The following DROSHA variants were observed in gnomAD, a reference collection of about 807,000 sequenced individuals.
DROSHA encodes the protein drosha ribonuclease III.
In DROSHA, 56 loss-of-function variants were observed where a neutral mutation model predicts 181.9. That is an observed-to-expected ratio of 0.31 (90% CI 0.25 to 0.38). DROSHA has a LOEUF of 0.38. Among genes scored for constraint, DROSHA ranks in the 10% least tolerant of loss-of-function variants. The pLI is 1.00. For synonymous variants in DROSHA, 524 were observed against 591.2 expected (o/e 0.89, Z 1.65); for missense variants, 1,218 against 1,743.5 (o/e 0.70, Z 5.37).
rs1160335586 is a variant in DROSHA, at chr5:31,437,270, G to T, written c.2911C>A (p.Leu971Met). ...AGAAATTCAACAACAGCATCACCCA[G>T]GAATTCCAACCGTTCATTGTGGTTA... ...RINHNERLEF[L>M]GDAVVEFLTS... Residue 971 changes from leucine to methionine, a missense_variant, in exon 24 of 36, where the codon CTG becomes ATG. Around this residue, in one of 8 missense-constraint regions of DROSHA, gnomAD observed 460 missense variants for 774.2 expected, o/e 0.59. Coordinates refer to ENST00000344624, the MANE Select transcript of DROSHA (RefSeq NM_001382508.1). The T allele has an allele frequency of 3.2e-6, 5 of 1,581,574 alleles. No individual in the cohort carries two copies. Among genetic ancestry groups the T allele is most frequent in the Non-Finnish European group, 3.4e-6 (4 of 1,162,714 alleles).
chr5:31,431,884 T>G (rs1222233679), intron 25 of DROSHA, among the ~76,000 whole-genome samples: 1 of 152,186 alleles, frequency 6.6e-6, no homozygotes, highest in Non-Finnish European at 1.5e-5. Context: ...AACTCAATTC[T>G]TTCCCAAACA....
Position 31,504,593 on chromosome 5 carries a change from G to A in DROSHA, c.1630C>T (p.Arg544Cys), listed in dbSNP as rs763318231. 24 of 1,613,778 alleles carry A rather than the reference G, an allele frequency of 1.5e-5. No individual in the cohort carries two copies. Among genetic ancestry groups the A allele is most frequent in the African/African-American group, 1.3e-5 (1 of 74,894 alleles). Residue 544 changes from arginine to cysteine, a missense_variant, in exon 11 of 36, where the codon CGC becomes TGC. By Grantham distance (180) the Arg-to-Cys change is radical. This residue lies in a region of DROSHA where 460 missense variants were observed against 774.2 expected (regional missense o/e 0.59). Coordinates refer to ENST00000344624, the MANE Select transcript of DROSHA (RefSeq NM_001382508.1). ...TAAATGCTGTGCCTAATTCCTGTGC[G>A]TCTTGCCTTTGCGCTGCATTTGCAG... ...PLCKCSAKAR[R>C]TGIRHSIYPG...
rs1739171420 is a variant in DROSHA, at chr5:31,515,457, T to C, written c.1055A>G (p.Asn352Ser). 7.6e-7 allele frequency: 1 copy of C among 1,314,242 alleles called. No individual in the cohort carries two copies. Among genetic ancestry groups the C allele is most frequent in the Non-Finnish European group, 1.1e-6 (1 of 929,946 alleles). The allele number at this position is 1,314,242 out of a possible 1,614,324, so 81.4% of individuals were successfully genotyped here. A position where few individuals can be genotyped will look rare whatever the true frequency, so the allele number is the denominator to read the frequency against. ...DSWAPPLEIV[N>S]HRSPSREKKR... ...GCCCCACCCCAGATCTACTTACTGA[T>C]TCACAATCTCCAGGGGTGGGGCCCA... The change falls in exon 7 of 36, where the codon AAT (asparagine) becomes AGT (serine). Residue 352 changes from asparagine to serine, a missense_variant. Asn to Ser is a conservative substitution (Grantham distance 46). Around this residue, in one of 8 missense-constraint regions of DROSHA, gnomAD observed 536 missense variants for 535.4 expected, o/e 1.00. Transcript: ENST00000344624.
chr5:31,426,116 T>C (rs1267368603), intron 27 of DROSHA, among the ~76,000 whole-genome samples: 1 of 152,126 alleles, frequency 6.6e-6, no homozygotes, highest in Admixed American at 6.6e-5. Flanking sequence ...CCTCCTTTCA[T>C]GTCTGCTGCC....
At chr5:31,430,384 GACTT>G (rs1331338133) in intron 26 of DROSHA, among the ~76,000 whole-genome samples, 24 of 152,172 alleles carry the variant, frequency 1.6e-4, no homozygotes, top group Non-Finnish European at 1.5e-5. Context: ...TGTTAGAAAA[GACTT>G]ACAGGATTTA....
chr5:31,450,251 C>G (rs1335595021), intron 21 of DROSHA, among the ~76,000 whole-genome samples: 1 of 152,148 alleles, frequency 6.6e-6, no homozygotes, highest in Non-Finnish European at 1.5e-5. Flanking sequence ...TTAGTATAAC[C>G]TCTAGGAAAA....
At position 31,504,618 on chromosome 5, in the gene DROSHA, G is replaced by C; in HGVS notation, c.1605C>G (p.Leu535=). Residue 535 remains leucine, a synonymous_variant, in exon 11 of 36, where the codon CTC becomes CTG. Transcript: ENST00000344624. The part of the protein sequence containing the change: ...NDPGQMNDGP[L]CKCSAKARRT... ...GTCTTGCCTTTGCGCTGCATTTGCA[G>C]AGTGGTCCATCATTCATCTGTCAGA... 1 of 1,613,968 alleles carries C rather than the reference G, an allele frequency of 6.2e-7. No individual in the cohort carries two copies. Among genetic ancestry groups the C allele is most frequent in the Non-Finnish European group, 8.5e-7 (1 of 1,179,892 alleles).
rs540277396 is a variant in DROSHA, at chr5:31,465,319, C to T, written c.2466+863G>A. 2.0e-5 allele frequency among the ~76,000 whole-genome samples: 3 copies of T among 152,254 alleles called. No individual in the cohort carries two copies. In the South Asian group the frequency reaches 6.2e-4, roughly 32 times the overall value. On this transcript the variant is annotated intron_variant, in intron 19 of 35. Coordinates refer to ENST00000344624, the MANE Select transcript of DROSHA (RefSeq NM_001382508.1). ...GTTATCCTGGATTACAGGGATAATA[C>T]TACCCATTAGTAAGGAAATATGGAA...
At position 31,483,480 on chromosome 5, in the gene DROSHA, G is replaced by C. The variant is rs1221401159; in HGVS notation, c.2071+74C>G. 6 of 1,463,514 alleles carry C rather than the reference G, an allele frequency of 4.1e-6. No homozygotes were observed. The East Asian group carries it at 1.4e-4, about 33-fold the overall frequency. The allele number at this position is 1,463,514 out of a possible 1,614,324, so 90.7% of individuals were successfully genotyped here. A position where few individuals can be genotyped will look rare whatever the true frequency, so the allele number is the denominator to read the frequency against. On this transcript the variant is annotated intron_variant, in intron 16 of 35. Transcript: ENST00000344624. The stretch of plus-strand genomic sequence containing the variant: ...CGAAGGTGGGAAAGTTGTCCCTGAA[G>C]ACTGAAAGGAAAATGGCAAGCTTAT...
intron 21 of DROSHA, among the ~76,000 whole-genome samples, chr5:31,450,045 G>A (rs1429280367): frequency 6.6e-6 from 1 of 152,024 alleles, no homozygotes; most frequent in Non-Finnish European, 1.5e-5. Context: ...TATACAAATG[G>A]CCAACAAACA....
intron 16 of DROSHA, among the ~76,000 whole-genome samples, chr5:31,483,060 A>ATT (rs1360431542): frequency 6.6e-6 from 1 of 152,112 alleles, no homozygotes; most frequent in African/African-American, 2.4e-5. Flanking sequence ...ACTGTCATAT[A>ATT]TTTCCCTATA....
At chr5:31,522,505 C>T (rs1002143807) in intron 5 of DROSHA, among the ~76,000 whole-genome samples, 2 of 152,054 alleles carry the variant, frequency 1.3e-5, no homozygotes, top group African/African-American at 4.8e-5. Context: ...AATAACACTT[C>T]TAATGATGAC....
At chr5:31,421,116 C>T (rs1244554009) in intron 30 of DROSHA, among the ~76,000 whole-genome samples, 156 bp downstream of exon 30, 1 of 152,198 alleles carries the variant, frequency 6.6e-6, no homozygotes, top group Non-Finnish European at 1.5e-5. Context: ...TGCATATGTG[C>T]TTTGTATACA....
At chr5:31,410,608 G>T in intron 31 of DROSHA, 138 bp downstream of exon 31, 1 of 1,296,276 alleles carries the variant, frequency 7.7e-7, no homozygotes, top group Non-Finnish European at 1.0e-6. Context: ...AAAAGCTTTG[G>T]TAAAAAGCAT....
At chr5:31,433,670 G>A (rs554547361) in intron 25 of DROSHA, among the ~76,000 whole-genome samples, 6 of 152,124 alleles carry the variant, frequency 3.9e-5, no homozygotes, top group South Asian at 2.1e-4. Context: ...TCAGCCTCCC[G>A]AGTAGCCGGG....
intron 25 of DROSHA, among the ~76,000 whole-genome samples, chr5:31,435,164 A>C (rs766189710): frequency 6.6e-6 from 1 of 152,228 alleles, no homozygotes; most frequent in Non-Finnish European, 1.5e-5. Context: ...ATTTATTATA[A>C]TAAGACATAA....
At chr5:31,486,439 G>C in intron 14 of DROSHA, 52 bp downstream of exon 14, 1 of 1,582,722 alleles carries the variant, frequency 6.3e-7, no homozygotes, top group Non-Finnish European at 8.6e-7. Flanking sequence ...TAGTAGTATG[G>C]AACAAGCAAA....
At chr5:31,516,026 C>T (rs911969830) in intron 6 of DROSHA, among the ~76,000 whole-genome samples, 6 of 152,222 alleles carry the variant, frequency 3.9e-5, no homozygotes, top group Admixed American at 1.3e-4. Flanking sequence ...AAGGCCGAGG[C>T]GGGAGGATCA....
chr5:31,430,527 C>T (rs1201239801), intron 26 of DROSHA, among the ~76,000 whole-genome samples: 1 of 152,198 alleles, frequency 6.6e-6, no homozygotes, highest in Non-Finnish European at 1.5e-5. Context: ...ATCTCCATCT[C>T]ACAGGCTCAC....
Sources: allele counts gnomAD v4.1 joint callset (sites outside exome capture counted in the v4.1 genomes callset), GRCh38; gene constraint gnomAD v4.1.1; regional missense constraint gnomAD v4.1.1; transcripts MANE v1.5; gene names NCBI Gene and HGNC (gene_info 2026-07-23, HGNC 2026-07-21).